Variants in TRMT10A observed in about 807,000 individuals in gnomAD.
The protein encoded by TRMT10A is tRNA methyltransferase 10A.
A neutral mutation model predicts 40.4 loss-of-function variants in TRMT10A; 37 were observed. The observed-to-expected ratio is 0.92, with a 90% CI of 0.71 to 1.21. TRMT10A has a LOEUF of 1.21. Ranked by LOEUF, TRMT10A falls within the 50% of genes most tolerant of loss-of-function variation. The pLI, the probability that TRMT10A is intolerant of heterozygous loss-of-function variation, is 0.00. For missense variants in TRMT10A, 388 were observed against 404.3 expected, an observed-to-expected ratio of 0.96 and a Z score of 0.35; for synonymous variants, 103 against 134.1, an observed-to-expected ratio of 0.77 and a Z score of 1.60.
At position 99,559,155 on chromosome 4, in the gene TRMT10A, T is replaced by C; in HGVS notation, c.184A>G (p.Lys62Glu). 6.2e-7 allele frequency: 1 copy of C among 1,611,672 alleles called. No individual in the cohort carries two copies. The highest frequency in any genetic ancestry group is 8.5e-7 in the Non-Finnish European group (1 of 1,178,572). Residue 62 changes from lysine to glutamate, a missense_variant and splice_region_variant, in exon 2 of 8, where the codon AAA (lysine) becomes GAA (glutamate). Lys to Glu is a moderately conservative substitution (Grantham distance 56, BLOSUM62 1). Transcript: ENST00000394876. Reference sequence around the variant, plus strand: ...GCATATACATTTTGAAACACATACTTGCGGAGTTCCCGTTGCTCTTCCCAT... The same window carrying C: ...GCATATACATTTTGAAACACATACTCGCGGAGTTCCCGTTGCTCTTCCCAT... Reference protein sequence around the residue: ...KQWEEQRELRKQKRKEKRKRK... With the variant: ...KQWEEQRELREQKRKEKRKRK...
chr4:99,557,688 A>G, intron 3 of TRMT10A: 1 of 402,730 alleles, frequency 2.5e-6, no homozygotes, highest in Non-Finnish European at 4.4e-6. Context: ...AGAGACAACA[A>G]CAAGACTTTT....
At chr4:99,562,950 T>C (rs1388698651) in intron 1 of TRMT10A, among the ~76,000 whole-genome samples, 2 of 152,060 alleles carry the variant, frequency 1.3e-5, no homozygotes, top group Non-Finnish European at 2.9e-5. Context: ...GCCCCCCCAG[T>C]AGCTGGGATT....
chr4:99,563,727 G>T lies in TRMT10A; in HGVS notation c.-24+186C>A. 3.4e-5 allele frequency: 13 copies of T among 383,194 alleles called. No individual in the cohort carries two copies. In the East Asian group the frequency reaches 6.6e-4, roughly 20 times the overall value. The allele number at this position is 383,194 out of a possible 1,614,324, so 23.7% of individuals were successfully genotyped here. A position where few individuals can be genotyped will look rare whatever the true frequency, so the allele number is the denominator to read the frequency against. On this transcript the variant is annotated intron_variant, in intron 1 of 7. Transcript: ENST00000394876. ...GAACCAGGGAGCAGCTGGGTAGGCCGCGGGGGGCGCCTGTCATCGACGTCA... is the reference window on the plus strand; with the variant it reads ...GAACCAGGGAGCAGCTGGGTAGGCCTCGGGGGGCGCCTGTCATCGACGTCA...
intron 5 of TRMT10A, among the ~76,000 whole-genome samples, chr4:99,555,451 C>T (rs116272990): frequency 6.6e-6 from 1 of 152,082 alleles, no homozygotes; most frequent in Non-Finnish European, 1.5e-5. Flanking sequence ...TTACCAATGA[C>T]TGAGAACAAT....
At chr4:99,557,004 T>A (rs1724185574) in intron 4 of TRMT10A, among the ~76,000 whole-genome samples, 1 of 152,160 alleles carries the variant, frequency 6.6e-6, no homozygotes, top group Admixed American at 6.5e-5. Flanking sequence ...AGCCACAGCT[T>A]CTGCCTCTCT....
intron 1 of TRMT10A, among the ~76,000 whole-genome samples, chr4:99,562,211 G>A (rs1029782123): frequency 2.0e-5 from 3 of 149,660 alleles, no homozygotes; most frequent in Non-Finnish European, 3.0e-5. Flanking sequence ...ATGTGTGTGT[G>A]TGTGTGTGTG....
chr4:99,557,837 C>A, intron 3 of TRMT10A: 1 of 498,714 alleles, frequency 2.0e-6, no homozygotes, highest in Non-Finnish European at 3.5e-6. Context: ...CCTGTCTGCA[C>A]ACATACTGAC....
intron 6 of TRMT10A, among the ~76,000 whole-genome samples, chr4:99,552,522 C>T (rs1443148014): frequency 2.0e-5 from 3 of 152,074 alleles, no homozygotes; most frequent in African/African-American, 4.8e-5. Flanking sequence ...ATATTGATAT[C>T]GCTAAATGAT....
intron 3 of TRMT10A, 47 bp downstream of exon 3, chr4:99,558,002 T>C (rs750975317): frequency 6.8e-7 from 1 of 1,475,224 alleles, no homozygotes; most frequent in African/African-American, 1.5e-5. Context: ...CAAAAATGAT[T>C]CGACCTAATT....
intron 2 of TRMT10A, 108 bp downstream of exon 2, chr4:99,559,046 T>G: frequency 8.3e-7 from 1 of 1,198,126 alleles, no homozygotes. Context: ...AAATTAGTAA[T>G]TGAATTTTAA....
In TRMT10A at chr4:99,558,044, G is replaced by T; in HGVS notation, c.348+5C>A. On this transcript the variant is annotated splice_donor_5th_base_variant and intron_variant, in intron 3 of 7. Coordinates refer to ENST00000394876, the MANE Select transcript of TRMT10A (RefSeq NM_001134665.3). ...CAAGATTTTTCTGACAATGATTCAT[G>T]ATACCTTTAATACCATCAAGTGATC... 1 of 1,546,550 alleles carries T rather than the reference G, an allele frequency of 6.5e-7. No homozygotes were observed.
chr4:99,549,198 T>C lies in TRMT10A; in HGVS notation c.910A>G (p.Ser304Gly). The change falls in exon 8 of 8, where the codon AGT (serine) becomes GGT (glycine). Residue 304 changes from serine (S) to glycine (G), a missense_variant. Ser to Gly is a moderately conservative substitution (Grantham distance 56). Transcript: ENST00000394876. ...SVRMEEGGSDSDSSEEEYSRN... is the reference protein window; with the variant it reads ...SVRMEEGGSDGDSSEEEYSRN... Reference sequence around the variant, plus strand: ...CTATATTCCTCCTCACTGGAATCACTGTCCGATCCACCTTCCTCCATCCTG... The same window carrying C: ...CTATATTCCTCCTCACTGGAATCACCGTCCGATCCACCTTCCTCCATCCTG... 1 of 1,614,132 alleles carries C rather than the reference T, an allele frequency of 6.2e-7. No individual in the cohort carries two copies. Among genetic ancestry groups the C allele is most frequent in the Non-Finnish European group, 8.5e-7 (1 of 1,179,994 alleles).
chr4:99,557,364 C>T lies in TRMT10A; in HGVS notation c.401G>A (p.Arg134Gln), dbSNP rs776219258. The T allele has an allele frequency of 8.7e-6, 14 of 1,613,162 alleles. No individual in the cohort carries two copies. Among genetic ancestry groups the T allele is most frequent in the African/African-American group, 6.7e-5 (5 of 74,854 alleles). Residue 134 changes from arginine to glutamine, a missense_variant, in exon 4 of 8, where the codon CGG becomes CAG. Arg to Gln is a conservative substitution (Grantham distance 43). Coordinates refer to ENST00000394876, the MANE Select transcript of TRMT10A (RefSeq NM_001134665.3). ...ACATACCTGCACAGGATGCAGTGCCCGTCGGTTTTCTGCGTAACATCGTTG... is the reference window on the plus strand; with the variant it reads ...ACATACCTGCACAGGATGCAGTGCCTGTCGGTTTTCTGCGTAACATCGTTG... ...QIQRCYAENR[R>Q]ALHPVQFYLT... is the part of the protein sequence containing the mutation.
intron 1 of TRMT10A, among the ~76,000 whole-genome samples, chr4:99,559,741 T>C (rs2110193321): frequency 6.6e-6 from 1 of 152,268 alleles, no homozygotes; most frequent in Admixed American, 6.5e-5. Flanking sequence ...GCAGTGTTAT[T>C]TTTAACAGTG....
chr4:99,552,445 T>C (rs900127497), intron 6 of TRMT10A, among the ~76,000 whole-genome samples: 2 of 152,192 alleles, frequency 1.3e-5, no homozygotes, highest in African/African-American at 2.4e-5. Context: ...CTAGGAGCAA[T>C]AGGCTATGCC....
chr4:99,560,923 G>A (rs997276786), intron 1 of TRMT10A, among the ~76,000 whole-genome samples: 13 of 151,528 alleles, frequency 8.6e-5, no homozygotes, highest in African/African-American at 2.9e-4. Flanking sequence ...ATTCAAAAAC[G>A]GCATGTGTTG....
At chr4:99,557,987 T>A in intron 3 of TRMT10A, 62 bp downstream of exon 3, 1 of 1,446,572 alleles carries the variant, frequency 6.9e-7, no homozygotes, top group Non-Finnish European at 9.2e-7. Context: ...TATTGCATAT[T>A]AAAACAAAAA....
intron 7 of TRMT10A, 98 bp downstream of exon 7, chr4:99,550,787 G>A: frequency 2.6e-6 from 2 of 778,440 alleles, no homozygotes; most frequent in Non-Finnish European, 4.1e-6. Context: ...TTGTCTCCAG[G>A]AAGGTGTAAT....
At chr4:99,554,676 G>C (rs181003978) in intron 5 of TRMT10A, among the ~76,000 whole-genome samples, 121 of 134,172 alleles carry the variant, frequency 9.0e-4, no homozygotes, top group Admixed American at 8.6e-3. Flanking sequence ...AGCCGAGATT[G>C]CACCATTGCA....
Sources: gnomAD v4.1 joint callset for allele counts (sites outside exome capture counted in the v4.1 genomes callset) on GRCh38, gnomAD v4.1.1 for gene constraint, MANE v1.5 for transcripts, NCBI Gene and HGNC (gene_info 2026-07-23, HGNC 2026-07-21) for gene names.